IQANK1: variants seen among roughly 807,000 people sequenced by gnomAD.
IQANK1 encodes IQ motif and ankyrin repeat containing 1.
Under a neutral mutation model 22.6 loss-of-function variants are expected in IQANK1, and 30 were observed. The observed-to-expected ratio is 1.33, with a 90% confidence interval of 0.99 to 1.80. The LOEUF is 1.80. IQANK1 is among the 40% of genes most tolerant of loss of function. The pLI, the probability that IQANK1 is intolerant of heterozygous loss-of-function variation, is 0.00. For missense variants in IQANK1, 275 were observed against 235.2 expected (o/e 1.17, Z -1.11); for synonymous variants, 122 against 99.6 (o/e 1.23, Z -1.34).
Position 143,789,517 on chromosome 8 carries a change from C to T in IQANK1, c.1075C>T (p.Leu359Phe). The change falls in exon 10 of 14, where the codon CTC becomes TTC. Residue 359 changes from leucine (L) to phenylalanine (F), a missense_variant. Physicochemically the swap from Leu to Phe is conservative, Grantham distance 22. Coordinates refer to ENST00000527139, the MANE Select transcript of IQANK1 (RefSeq NM_001381874.1). The stretch of plus-strand genomic sequence containing the variant: ...GTGGAGGTGCATGGACAAGACCAAG[C>T]TCACGCTGCAGGTGGGGGCCCGTGG... ...CEWRCMDKTK[L>F]TLQAIKDTEA... 1.6e-6 allele frequency: 2 copies of T among 1,232,272 alleles called. No individual in the cohort carries two copies. Among genetic ancestry groups the T allele is most frequent in the Non-Finnish European group, 2.0e-6 (2 of 988,178 alleles). 76.3% of individuals were successfully genotyped at this position (1,232,272 alleles called of 1,614,324 possible). A position where few individuals can be genotyped will look rare whatever the true frequency, so the allele number is the denominator to read the frequency against.
chr8:143,759,201 C>T, intron 3 of IQANK1: 1 of 230,712 alleles, frequency 4.3e-6, no homozygotes, highest in South Asian at 5.5e-5. Context: ...GTCACAGCAG[C>T]ACTGCTTCAC....
rs188422156 is a variant in IQANK1, at chr8:143,790,271, G to A, written c.1424G>A (p.Arg475Gln). The A allele has an allele frequency of 2.8e-5, 34 of 1,232,152 alleles. No individual in the cohort carries two copies. Among genetic ancestry groups the A allele is most frequent in the Middle Eastern group, 3.1e-4 (1 of 3,210 alleles). The allele number at this position is 1,232,152 out of a possible 1,614,324, so 76.3% of individuals were successfully genotyped here. A position where few individuals can be genotyped will look rare whatever the true frequency, so the allele number is the denominator to read the frequency against. Residue 475 changes from arginine (R) to glutamine (Q), a missense_variant and splice_region_variant, in exon 13 of 14, where the codon CGG (arginine) becomes CAG (glutamine). Arg to Gln is a conservative substitution (Grantham distance 43). Transcript: ENST00000527139. ...TMWLALLGAL[R>Q]YGKPLVFDLR... ...TGGCTGGCTCTGCTGGGGGCTCTGC[G>A]GTGAGGCAGGCAGGGTGACAGGTAC... is the stretch of plus-strand genomic sequence containing the variant.
rs1204134306 is a variant in IQANK1 at position 143,772,220 on chromosome 8, C to G, written c.640C>G (p.Leu214Val). 1.3e-5 allele frequency: 5 copies of G among 395,032 alleles called. No homozygotes were observed. The highest frequency in any genetic ancestry group is 2.2e-5 in the Non-Finnish European group (5 of 223,788). 24.5% of individuals were successfully genotyped at this position (395,032 alleles called of 1,614,324 possible). A position where few individuals can be genotyped will look rare whatever the true frequency, so the allele number is the denominator to read the frequency against. Residue 214 changes from leucine (L) to valine (V), a missense_variant, in exon 6 of 14, where the codon CTC becomes GTC. Physicochemically the swap from Leu to Val is conservative, Grantham distance 32. Transcript: ENST00000527139. ...CCTGGCCATCCAGCTGCGGGCCGAG[C>G]TCGGCGCCAGCCCCAACAGCAAGGT... ...QPLAIQLRAE[L>V]GASPNSKGAF...
At chr8:143,786,388 A>C (rs1819890022) in intron 7 of IQANK1, among the ~76,000 whole-genome samples, 1 of 152,184 alleles carries the variant, frequency 6.6e-6, no homozygotes, top group Non-Finnish European at 1.5e-5. Flanking sequence ...GCATATTCAT[A>C]AATTCCTTCA....
chr8:143,784,338 T>G (rs1282244974), intron 7 of IQANK1, among the ~76,000 whole-genome samples: 16 of 152,160 alleles, frequency 1.1e-4, no homozygotes, highest in African/African-American at 3.9e-4. Context: ...CACCTCCCCC[T>G]GCTCTCTCTT....
At chr8:143,778,911 G>T (rs144808965) in intron 7 of IQANK1, among the ~76,000 whole-genome samples, 1 of 152,060 alleles carries the variant, frequency 6.6e-6, no homozygotes, top group African/African-American at 2.4e-5. Flanking sequence ...ACAGGCATGC[G>T]CCACCACGCC....
In IQANK1 at chr8:143,786,093, G is replaced by C. The variant is rs567318473; in HGVS notation, c.790-2822G>C. Reference sequence around the variant, plus strand: ...GCCCAGGCTGGTCTTCAACTTCTGGGCTCGAGCAATCTGCATGCCTCAGCC... The same window carrying C: ...GCCCAGGCTGGTCTTCAACTTCTGGCCTCGAGCAATCTGCATGCCTCAGCC... On this transcript the variant is annotated intron_variant, in intron 7 of 13. Transcript: ENST00000527139. Among the ~76,000 whole-genome samples the C allele has an allele frequency of 2.0e-5, 3 of 152,078 alleles. No homozygotes were observed. In the East Asian group the frequency reaches 5.8e-4, roughly 29 times the overall value.
intron 3 of IQANK1, among the ~76,000 whole-genome samples, chr8:143,755,187 C>T (rs1204821756): frequency 2.0e-5 from 3 of 152,166 alleles, no homozygotes; most frequent in Non-Finnish European, 2.9e-5. Flanking sequence ...TACAATCTCC[C>T]AACTGGCACT....
In IQANK1 at chr8:143,735,911, C is replaced by T. The variant is rs1020657074; in HGVS notation, c.58C>T (p.Pro20Ser). The change falls in exon 2 of 14, where the codon CCT becomes TCT. Residue 20 changes from proline to serine, a missense_variant. Pro to Ser is a moderately conservative substitution (Grantham distance 74). Coordinates refer to ENST00000527139, the MANE Select transcript of IQANK1 (RefSeq NM_001381874.1). This position sits in a 1 kb window ranked among gnomAD's most constrained non-coding sequence, Gnocchi z 5.2. The stretch of plus-strand genomic sequence containing the variant: ...AGCTGGGAAGTGGCAGACGCTCCAC[C>T]CTGGGCCCAAGACAAGAGCTGCTGC... ...AAAGKWQTLH[P>S]GPKTRAAAGK... 11 of 702,610 alleles carry T rather than the reference C, an allele frequency of 1.6e-5. No homozygotes were observed. The highest frequency in any genetic ancestry group is 2.9e-5 in the Non-Finnish European group (11 of 384,910). 43.5% of individuals were successfully genotyped at this position (702,610 alleles called of 1,614,324 possible). A position where few individuals can be genotyped will look rare whatever the true frequency, so the allele number is the denominator to read the frequency against.
In IQANK1 at chr8:143,787,827, C is replaced by T. The variant is rs531018242; in HGVS notation, c.790-1088C>T. On this transcript the variant is annotated intron_variant, in intron 7 of 13. Transcript: ENST00000527139. ...CTCTGTGGGAATGCGGCCGCTCACC[C>T]GCGCACCCCTAACGCAGTGCCTTCT... Among the ~76,000 whole-genome samples the T allele has an allele frequency of 1.2e-3, 184 of 152,208 alleles. 1 individual carries two copies. The highest frequency in any genetic ancestry group is 6.8e-3 in the Middle Eastern group (2 of 294).
At chr8:143,770,478 C>G (rs1279732989) in intron 3 of IQANK1, among the ~76,000 whole-genome samples, 2 of 152,248 alleles carry the variant, frequency 1.3e-5, no homozygotes, top group African/African-American at 4.8e-5. Flanking sequence ...CACCCTGCCC[C>G]CGCTGGCTGC....
chr8:143,750,837 A>T (rs185475645), intron 3 of IQANK1, among the ~76,000 whole-genome samples: 233 of 152,264 alleles, frequency 1.5e-3, no homozygotes, highest in South Asian at 2.3e-3. Flanking sequence ...ATAAAATAAA[A>T]TTAATAATTA....
intron 3 of IQANK1, among the ~76,000 whole-genome samples, chr8:143,749,603 T>A (rs56347728): frequency 0.37 from 47,249 of 128,386 alleles, 11,408 homozygotes; most frequent in African/African-American, 0.72. Context: ...TTATTTATTT[T>A]TTTTTTTTTT....
At chr8:143,750,225 C>T (rs926306360) in intron 3 of IQANK1, among the ~76,000 whole-genome samples, 8 of 151,680 alleles carry the variant, frequency 5.3e-5, no homozygotes, top group Non-Finnish European at 7.4e-5. Context: ...CTCGAACCCC[C>T]GACCTCAGGT....
Position 143,758,055 on chromosome 8 carries a change from G to C in IQANK1, c.176-13433G>C, listed in dbSNP as rs1819325756. 6.6e-6 allele frequency: 1 copy of C among 152,244 alleles called. No individual in the cohort carries two copies. Among genetic ancestry groups the C allele is most frequent in the African/African-American group, 2.4e-5 (1 of 41,458 alleles). The allele number at this position is 152,244 out of a possible 1,614,324, so 9.4% of individuals were successfully genotyped here. The stretch of plus-strand genomic sequence containing the variant: ...GATCTCTGGATTAGATTACCTCAGA[G>C]AGTGGTAGCACTGACCCAGCAGTGA... On this transcript the variant is annotated intron_variant, in intron 3 of 13. Transcript: ENST00000527139. This position sits in a 1 kb window ranked among gnomAD's most constrained non-coding sequence, Gnocchi z 4.2.
chr8:143,741,919 C>A (rs781919143), intron 3 of IQANK1: 3 of 191,240 alleles, frequency 1.6e-5, no homozygotes, highest in Non-Finnish European at 3.3e-5. Flanking sequence ...GTGGGTGGGA[C>A]CTGCTCTAGA....
At chr8:143,747,007 G>T (rs1819044560) in intron 3 of IQANK1, among the ~76,000 whole-genome samples, 1 of 152,078 alleles carries the variant, frequency 6.6e-6, no homozygotes, top group African/African-American at 2.4e-5. Flanking sequence ...AGCCTCCCAA[G>T]TAGCTGGGAT....
At chr8:143,755,839 C>T (rs1159876834) in intron 3 of IQANK1, among the ~76,000 whole-genome samples, 3 of 152,172 alleles carry the variant, frequency 2.0e-5, no homozygotes, top group Non-Finnish European at 2.9e-5. Flanking sequence ...TGGAGCCATG[C>T]TGGGGGCTCA....
At chr8:143,776,093 G>A (rs185776711) in intron 7 of IQANK1, among the ~76,000 whole-genome samples, 6 of 151,564 alleles carry the variant, frequency 4.0e-5, no homozygotes, top group South Asian at 2.1e-4. Flanking sequence ...AGGCCGAGGC[G>A]GGCAGATTAC....
Sources: allele counts gnomAD v4.1 joint callset (sites outside exome capture counted in the v4.1 genomes callset), GRCh38; gene constraint gnomAD v4.1.1; non-coding constraint Gnocchi (gnomAD v3.1); transcripts MANE v1.5; gene names NCBI Gene and HGNC (gene_info 2026-07-23, HGNC 2026-07-21).